The following FAM114A2 variants were observed in gnomAD, a reference collection of about 807,000 sequenced individuals.
FAM114A2 encodes the protein protein FAM114A2.
Under a neutral mutation model 58.4 loss-of-function variants are expected in FAM114A2, and 53 were observed. The observed-to-expected ratio is 0.91, with a 90% CI of 0.73 to 1.14. The LOEUF is 1.14. Ranked by LOEUF, FAM114A2 falls within the 50% of genes most tolerant of loss-of-function variation. FAM114A2 has a pLI of 0.00. For synonymous variants in FAM114A2, 228 were observed against 211.4 expected, an observed-to-expected ratio of 1.08 and a Z score of -0.68; for missense variants, 601 against 581.1, an observed-to-expected ratio of 1.03 and a Z score of -0.35.
chr5:154,030,077 TATG>T (rs777051858), intron 4 of FAM114A2, among the ~76,000 whole-genome samples: 1 of 152,216 alleles, frequency 6.6e-6, no homozygotes, highest in Non-Finnish European at 1.5e-5. Flanking sequence ...CACAGTGTAC[TATG>T]ATTACACAGT....
At position 154,027,306 on chromosome 5, in the gene FAM114A2, T is replaced by C; in HGVS notation, c.659A>G (p.Glu220Gly). ...GGTAACCTCATTGGAGGTCCGTATC[T>C]CTTCTTTCTCCTTCGCCTCTCGTAA... ...QVLREAKEKE[E>G]IRTSNEVTVE... The change falls in exon 7 of 14, where the codon GAG becomes GGG. Residue 220 changes from glutamate (E) to glycine (G), a missense_variant. Coordinates refer to ENST00000351797, the MANE Select transcript of FAM114A2 (RefSeq NM_018691.4). 1 of 1,612,660 alleles carries C rather than the reference T, an allele frequency of 6.2e-7. No homozygotes were observed. Among genetic ancestry groups the C allele is most frequent in the Non-Finnish European group, 8.5e-7 (1 of 1,179,498 alleles).
In FAM114A2 at chr5:153,991,428, CT is replaced by C. The variant is rs1281747738; in HGVS notation, c.*1547del. The C allele has an allele frequency of 6.6e-6, 1 of 152,144 alleles. No individual in the cohort carries two copies. The highest frequency in any genetic ancestry group is 2.4e-5 in the African/African-American group (1 of 41,418). The allele number at this position is 152,144 out of a possible 1,614,324, so 9.4% of individuals were successfully genotyped here. On this transcript the variant is annotated 3_prime_UTR_variant, in exon 14 of 14. Transcript: ENST00000351797. The stretch of plus-strand genomic sequence containing the variant: ...ACAATTCAGAACTGGTGACACCAGC[CT>C]TTGTAACCAGAAGGCAACTGTTTTT...
chr5:154,022,176 A>C (rs1013932698), intron 8 of FAM114A2, among the ~76,000 whole-genome samples: 2 of 152,238 alleles, frequency 1.3e-5, no homozygotes, highest in African/African-American at 4.8e-5. Flanking sequence ...TAAACCCATA[A>C]AAACCCTAGA....
chr5:154,018,705 C>G (rs1581804810), intron 8 of FAM114A2, among the ~76,000 whole-genome samples: 1 of 152,090 alleles, frequency 6.6e-6, no homozygotes, highest in Non-Finnish European at 1.5e-5. Flanking sequence ...AAAGATAATC[C>G]ACCATGATCA....
At chr5:154,000,674 T>C (rs1769912779) in intron 11 of FAM114A2, among the ~76,000 whole-genome samples, 1 of 152,122 alleles carries the variant, frequency 6.6e-6, no homozygotes, top group African/African-American at 2.4e-5. Flanking sequence ...ACCTGAGGTA[T>C]AAGAAGACCC....
chr5:154,005,590 G>A (rs1286996088), intron 9 of FAM114A2, among the ~76,000 whole-genome samples: 3 of 152,178 alleles, frequency 2.0e-5, no homozygotes, highest in Non-Finnish European at 4.4e-5. Flanking sequence ...CACAGATAGG[G>A]ATAGAGATAG....
chr5:154,035,282 T>C (rs535895402), intron 1 of FAM114A2, among the ~76,000 whole-genome samples: 1 of 152,162 alleles, frequency 6.6e-6, no homozygotes, highest in Non-Finnish European at 1.5e-5. Context: ...ACAATCAAGA[T>C]ACAGAACAGT....
chr5:154,006,334 G>GAA (rs1770341520), intron 9 of FAM114A2, among the ~76,000 whole-genome samples: 1 of 152,114 alleles, frequency 6.6e-6, no homozygotes, highest in South Asian at 2.1e-4. Flanking sequence ...CATACATAAA[G>GAA]AAAATAAAAT....
intron 9 of FAM114A2, among the ~76,000 whole-genome samples, chr5:154,009,347 T>C (rs1277260085): frequency 6.6e-6 from 1 of 151,556 alleles, no homozygotes; most frequent in Admixed American, 6.6e-5. Flanking sequence ...TACAAGCCAA[T>C]GGGGGAAAAG....
intron 4 of FAM114A2, among the ~76,000 whole-genome samples, chr5:154,030,699 C>T (rs140794045): frequency 6.6e-6 from 1 of 152,338 alleles, no homozygotes; most frequent in African/African-American, 2.4e-5. Context: ...GAGGAAGCTA[C>T]ATAGCTAAAA....
chr5:154,027,148 T>TC, intron 7 of FAM114A2, 28 bp downstream of exon 7: 1 of 1,580,234 alleles, frequency 6.3e-7, no homozygotes, highest in Non-Finnish European at 8.6e-7. Context: ...GAAGACTTTT[T>TC]CCAGTTGAGA....
chr5:154,034,376 T>A lies in FAM114A2; in HGVS notation c.212A>T (p.Asp71Val). 1.3e-6 allele frequency: 2 copies of A among 1,543,728 alleles called. No individual in the cohort carries two copies. The highest frequency in any genetic ancestry group is 4.6e-5 in the East Asian group (2 of 43,628). Residue 71 changes from aspartate to valine, a missense_variant and splice_region_variant, in exon 3 of 14, where the codon GAT (aspartate) becomes GTT (valine). Coordinates refer to ENST00000351797, the MANE Select transcript of FAM114A2 (RefSeq NM_018691.4). Reference protein sequence around the residue: ...LETSKVLPIQDNVSKDVPQTR... With the variant: ...LETSKVLPIQVNVSKDVPQTR... ...CTGGGGTACATCTTTGGAAACATTA[T>A]CCTAATTTCCCAGTAGGCAGAAAAA... is the stretch of plus-strand genomic sequence containing the variant.
chr5:154,009,444 T>A (rs1245244664), intron 9 of FAM114A2, among the ~76,000 whole-genome samples: 2 of 152,196 alleles, frequency 1.3e-5, no homozygotes, highest in Admixed American at 1.3e-4. Context: ...TCTAGAATGC[T>A]GAAAGCCAAC....
At position 153,991,867 on chromosome 5, in the gene FAM114A2, TAA is replaced by T. The variant is rs913825880; in HGVS notation, c.*1107_*1108del. On this transcript the variant is annotated 3_prime_UTR_variant, in exon 14 of 14. Transcript: ENST00000351797. The stretch of plus-strand genomic sequence containing the variant: ...AAACCACAAAGTTGGAGAATTTTTT[TAA>T]AAAGAGTGGATACCAAAATAGCTTT... 2.0e-5 allele frequency: 3 copies of T among 152,164 alleles called. No homozygotes were observed. Among genetic ancestry groups the T allele is most frequent in the Admixed American group, 6.5e-5 (1 of 15,274 alleles). The allele number at this position is 152,164 out of a possible 1,614,324, so 9.4% of individuals were successfully genotyped here. A position where few individuals can be genotyped will look rare whatever the true frequency, so the allele number is the denominator to read the frequency against.
At chr5:154,031,036 A>G (rs112085351) in intron 4 of FAM114A2, among the ~76,000 whole-genome samples, 2,798 of 152,196 alleles carry the variant, frequency 0.018, 34 homozygotes, top group Non-Finnish European at 0.027. Flanking sequence ...TCTTGGCCAG[A>G]CACAGCAGCT....
At chr5:154,009,219 A>G (rs1770540436) in intron 9 of FAM114A2, among the ~76,000 whole-genome samples, 1 of 152,210 alleles carries the variant, frequency 6.6e-6, no homozygotes, top group South Asian at 2.1e-4. Flanking sequence ...AGATGAGTCT[A>G]GAATATCTTG....
intron 8 of FAM114A2, among the ~76,000 whole-genome samples, chr5:154,022,718 G>C (rs1771504155): frequency 2.0e-5 from 3 of 152,208 alleles, no homozygotes; most frequent in Admixed American, 6.5e-5. Context: ...CATTGTGGAA[G>C]ACAGTGTGGT....
intron 4 of FAM114A2, 72 bp from the exon 5 acceptor site, chr5:154,029,652 T>C (rs1772046339): frequency 2.5e-6 from 2 of 815,958 alleles, no homozygotes; most frequent in East Asian, 5.3e-5. Context: ...AGCATCTATG[T>C]GAATTTTTTA....
intron 13 of FAM114A2, 130 bp from the exon 14 acceptor site, chr5:153,993,240 G>C: frequency 1.5e-6 from 1 of 673,812 alleles, no homozygotes; most frequent in Non-Finnish European, 2.3e-6. Context: ...AGTAAGAGCA[G>C]TGACTTGGCC....
Sources: allele counts gnomAD v4.1 joint callset (sites outside exome capture counted in the v4.1 genomes callset), GRCh38; gene constraint gnomAD v4.1.1; transcripts MANE v1.5; gene names NCBI Gene and HGNC (gene_info 2026-07-23, HGNC 2026-07-21).